SPAG16: variants seen among roughly 807,000 people sequenced by gnomAD.
SPAG16 encodes sperm associated antigen 16, also known as sperm-associated antigen 16 protein.
A neutral mutation model predicts 80.4 loss-of-function variants in SPAG16; 86 were observed. That is an observed-to-expected ratio of 1.07 (90% CI 0.90 to 1.28). SPAG16 has a LOEUF of 1.28. Ranked by LOEUF, SPAG16 falls within the 50% of genes most tolerant of loss-of-function variation. The pLI, the probability that SPAG16 is intolerant of heterozygous loss-of-function variation, is 0.00. For synonymous variants in SPAG16, 294 were observed against 265.9 expected (o/e 1.11, Z -1.03); for missense variants, 870 against 765.3 (o/e 1.14, Z -1.61).
intron 15 of SPAG16, among the ~76,000 whole-genome samples, chr2:214,375,987 C>A (rs1028000921): frequency 4.0e-5 from 6 of 151,840 alleles, no homozygotes; most frequent in Admixed American, 3.9e-4. Context: ...CATAAAATAA[C>A]AGTGATCTTA....
intron 15 of SPAG16, among the ~76,000 whole-genome samples, chr2:214,258,473 A>ATATATATATATATACACAGTGTGTG (rs1690874245): frequency 7.0e-6 from 1 of 142,354 alleles, no homozygotes; most frequent in Non-Finnish European, 1.5e-5. Context: ...GTGTGTGTGT[A>ATATATATATATATACACAGTGTGTG]TATATATATA....
At chr2:213,388,821 G>A (rs929636655) in intron 9 of SPAG16, among the ~76,000 whole-genome samples, 5 of 151,998 alleles carry the variant, frequency 3.3e-5, no homozygotes, top group Admixed American at 1.3e-4. Flanking sequence ...CATTGCTGAG[G>A]GAAATTAAAG....
chr2:214,394,969 C>T (rs535044937), intron 15 of SPAG16, among the ~76,000 whole-genome samples: 14 of 152,274 alleles, frequency 9.2e-5, no homozygotes, highest in Admixed American at 3.3e-4. Context: ...CAGTATGTAG[C>T]GTTGGCCGAT....
chr2:213,889,954 G>A (rs931742494), intron 11 of SPAG16, among the ~76,000 whole-genome samples: 4 of 151,834 alleles, frequency 2.6e-5, no homozygotes, highest in Non-Finnish European at 5.9e-5. Flanking sequence ...GAAGAAAATT[G>A]TTGAGGAATA....
chr2:214,011,782 C>A (rs558311685), intron 12 of SPAG16, among the ~76,000 whole-genome samples: 1 of 152,116 alleles, frequency 6.6e-6, no homozygotes, highest in East Asian at 1.9e-4. Flanking sequence ...TAATACTTAG[C>A]TTTGATGAGA....
At chr2:213,774,157 A>G (rs1297166983) in intron 10 of SPAG16, among the ~76,000 whole-genome samples, 1 of 151,878 alleles carries the variant, frequency 6.6e-6, no homozygotes, top group African/African-American at 2.4e-5. Flanking sequence ...TATCTTGACT[A>G]TTTTTCTTTT....
At chr2:213,867,386 T>C (rs571442271) in intron 11 of SPAG16, among the ~76,000 whole-genome samples, 1 of 152,314 alleles carries the variant, frequency 6.6e-6, no homozygotes, top group South Asian at 2.1e-4. Context: ...AGCATAAACA[T>C]ACCCTTGTGC....
intron 10 of SPAG16, among the ~76,000 whole-genome samples, chr2:213,699,575 G>T (rs759274307): frequency 6.6e-6 from 1 of 152,190 alleles, no homozygotes; most frequent in Non-Finnish European, 1.5e-5. Context: ...AGGATGTCTA[G>T]TATGCTTATG....
At chr2:213,776,327 A>G (rs1444391677) in intron 10 of SPAG16, among the ~76,000 whole-genome samples, 3 of 152,134 alleles carry the variant, frequency 2.0e-5, no homozygotes, top group Non-Finnish European at 2.9e-5. Flanking sequence ...TGGCTTTGAC[A>G]ATTGGGAGAG....
intron 10 of SPAG16, among the ~76,000 whole-genome samples, chr2:213,732,411 C>A (rs1203162816): frequency 6.6e-6 from 1 of 152,096 alleles, no homozygotes; most frequent in South Asian, 2.1e-4. Flanking sequence ...AACTACAAGC[C>A]ACTGCTCAAA....
chr2:214,285,634 T>C (rs1270297429), intron 15 of SPAG16, among the ~76,000 whole-genome samples: 2 of 152,066 alleles, frequency 1.3e-5, no homozygotes, highest in African/African-American at 4.8e-5. Flanking sequence ...AAACCCCATC[T>C]CTACTAAAAA....
At chr2:213,372,380 G>A (rs1202797706) in intron 8 of SPAG16, among the ~76,000 whole-genome samples, 1 of 152,054 alleles carries the variant, frequency 6.6e-6, no homozygotes. Context: ...TGACTTCAGA[G>A]CTTTAAAGAG....
chr2:214,104,426 G>C (rs574839700), intron 13 of SPAG16, among the ~76,000 whole-genome samples: 70 of 152,206 alleles, frequency 4.6e-4, no homozygotes, highest in African/African-American at 1.7e-3. Flanking sequence ...GAGTGGGGTG[G>C]AGTGGGAGAA....
At chr2:214,349,859 A>C (rs1309329965) in intron 15 of SPAG16, among the ~76,000 whole-genome samples, 2 of 152,082 alleles carry the variant, frequency 1.3e-5, no homozygotes, top group Non-Finnish European at 2.9e-5. Context: ...GTGCTCGTTG[A>C]GCATTTGTGT....
At chr2:213,464,123 T>A (rs1446864516) in intron 9 of SPAG16, among the ~76,000 whole-genome samples, 1 of 152,176 alleles carries the variant, frequency 6.6e-6, no homozygotes, top group Non-Finnish European at 1.5e-5. Flanking sequence ...ACATGGTTAA[T>A]CAAATCAAAG....
chr2:213,714,300 C>A (rs1354905417), intron 10 of SPAG16, among the ~76,000 whole-genome samples: 1 of 152,196 alleles, frequency 6.6e-6, no homozygotes, highest in Non-Finnish European at 1.5e-5. Flanking sequence ...CTCTCATAAG[C>A]ATCCCATAAG....
intron 10 of SPAG16, among the ~76,000 whole-genome samples, chr2:213,725,463 T>A (rs1473330648): frequency 2.0e-5 from 3 of 152,188 alleles, no homozygotes; most frequent in Non-Finnish European, 4.4e-5. Flanking sequence ...TTCTGTTCTG[T>A]CTAGCCAAAC....
intron 15 of SPAG16, among the ~76,000 whole-genome samples, chr2:214,391,003 C>T (rs1430216005): frequency 1.3e-5 from 2 of 151,902 alleles, no homozygotes; most frequent in African/African-American, 4.8e-5. Context: ...TTTGTGACTT[C>T]AGATGTGATG....
At chr2:213,382,391 A>G (rs11682739) in intron 9 of SPAG16, among the ~76,000 whole-genome samples, 33,154 of 152,164 alleles carry the variant, frequency 0.22, 4,450 homozygotes, top group Non-Finnish European at 0.31. Flanking sequence ...GAGAATATGT[A>G]AAAGTAGTTA....
Sources: allele counts gnomAD v4.1 joint callset (sites outside exome capture counted in the v4.1 genomes callset), GRCh38; gene constraint gnomAD v4.1.1; transcripts MANE v1.5; gene names NCBI Gene and HGNC (gene_info 2026-07-23, HGNC 2026-07-21).